PRKAR2A: variants seen among roughly 807,000 people sequenced by gnomAD.
PRKAR2A encodes protein kinase cAMP-dependent type II regulatory subunit alpha.
Under a neutral mutation model 51.9 loss-of-function variants are expected in PRKAR2A, and 29 were observed. That is an observed-to-expected ratio of 0.56 (90% CI 0.42 to 0.76). The LOEUF is 0.76. Among genes scored for constraint, PRKAR2A ranks in the 30% least tolerant of loss-of-function variants. The pLI, the probability that PRKAR2A is intolerant of heterozygous loss-of-function variation, is 0.00. For missense variants in PRKAR2A, 445 were observed against 512.1 expected, an observed-to-expected ratio of 0.87 and a Z score of 1.26; for synonymous variants, 178 against 186.2, an observed-to-expected ratio of 0.96 and a Z score of 0.36.
At chr3:48,815,817 G>C (rs888308992) in intron 1 of PRKAR2A, among the ~76,000 whole-genome samples, 1 of 151,612 alleles carries the variant, frequency 6.6e-6, no homozygotes, top group Non-Finnish European at 1.5e-5. Flanking sequence ...CCAGGAGTTT[G>C]AGACCAGCCT....
intron 1 of PRKAR2A, among the ~76,000 whole-genome samples, chr3:48,812,883 T>A (rs1321065388): frequency 6.6e-6 from 1 of 152,206 alleles, no homozygotes; most frequent in Non-Finnish European, 1.5e-5. Flanking sequence ...TCTGAGAACT[T>A]TGTAAACACA....
intron 2 of PRKAR2A, among the ~76,000 whole-genome samples, chr3:48,796,949 T>C (rs765774810): frequency 1.5e-4 from 23 of 152,058 alleles, no homozygotes; most frequent in Non-Finnish European, 3.1e-4. Flanking sequence ...CATTTTGTAG[T>C]GGACCTTTCT....
At chr3:48,836,483 AAAAAACTCAAAAT>A (rs2083289661) in intron 1 of PRKAR2A, among the ~76,000 whole-genome samples, 1 of 148,860 alleles carries the variant, frequency 6.7e-6, no homozygotes, top group African/African-American at 2.5e-5. Context: ...TATTAAAAAA[AAAAAACTCAAAAT>A]GTACCAAAGA....
chr3:48,828,734 G>C (rs1025815709), intron 1 of PRKAR2A, among the ~76,000 whole-genome samples: 1 of 131,650 alleles, frequency 7.6e-6, no homozygotes, highest in Non-Finnish European at 1.6e-5. Flanking sequence ...AAAAAAGAAA[G>C]AAAGAAAAAT....
At chr3:48,796,976 A>G (rs1184065609) in intron 2 of PRKAR2A, among the ~76,000 whole-genome samples, 1 of 151,746 alleles carries the variant, frequency 6.6e-6, no homozygotes, top group African/African-American at 2.4e-5. Context: ...CACTCCTCTT[A>G]TATCCTTAAC....
chr3:48,831,633 T>G (rs1309179336), intron 1 of PRKAR2A, among the ~76,000 whole-genome samples: 1 of 83,216 alleles, frequency 1.2e-5, no homozygotes, highest in African/African-American at 3.6e-5. Context: ...TTTCTTTTTT[T>G]TGAGACAGAG....
chr3:48,792,429 C>A (rs1279822609), intron 3 of PRKAR2A, among the ~76,000 whole-genome samples: 1 of 144,814 alleles, frequency 6.9e-6, no homozygotes, highest in Non-Finnish European at 1.5e-5. Flanking sequence ...TGTGAGCCAC[C>A]GTGACTGGCC....
At chr3:48,823,211 A>G (rs947360046) in intron 1 of PRKAR2A, among the ~76,000 whole-genome samples, 7 of 151,964 alleles carry the variant, frequency 4.6e-5, no homozygotes, top group Non-Finnish European at 8.8e-5. Flanking sequence ...TGGCCCTTCA[A>G]GTGACTTTAA....
intron 4 of PRKAR2A, among the ~76,000 whole-genome samples, chr3:48,783,951 A>G (rs1182133711): frequency 1.3e-5 from 2 of 151,984 alleles, no homozygotes; most frequent in Non-Finnish European, 2.9e-5. Flanking sequence ...TGACCAAAGG[A>G]AAAAAACCTA....
At chr3:48,838,163 G>T (rs1293925938) in intron 1 of PRKAR2A, among the ~76,000 whole-genome samples, 1 of 151,970 alleles carries the variant, frequency 6.6e-6, no homozygotes, top group Non-Finnish European at 1.5e-5. Flanking sequence ...GGGCGACAGA[G>T]CAAGACTCCG....
rs2082050837 is a variant in PRKAR2A at position 48,773,007 on chromosome 3, G to T, written c.644C>A (p.Thr215Asn). The change falls in exon 6 of 11, where the codon ACC (threonine) becomes AAC (asparagine). Residue 215 changes from threonine to asparagine, a missense_variant. Coordinates refer to ENST00000265563, the MANE Select transcript of PRKAR2A (RefSeq NM_004157.4). ...SFGELALMYN[T>N]PRAATIVATS... is the part of the protein sequence containing the mutation. ...AGCAACAATGGTAGCAGCTCTCGGG[G>T]TGTTGTACATCAGAGCTAGTTCTCC... 1 of 1,613,770 alleles carries T rather than the reference G, an allele frequency of 6.2e-7. No homozygotes were observed.
intron 1 of PRKAR2A, among the ~76,000 whole-genome samples, chr3:48,836,688 G>A (rs907406689): frequency 1.3e-5 from 2 of 151,064 alleles, no homozygotes; most frequent in African/African-American, 2.4e-5. Flanking sequence ...CACCAAAAAA[G>A]TGAAAAGGCT....
At chr3:48,801,844 C>A (rs2082595684) in intron 2 of PRKAR2A, among the ~76,000 whole-genome samples, 1 of 152,154 alleles carries the variant, frequency 6.6e-6, no homozygotes, top group African/African-American at 2.4e-5. Flanking sequence ...TCAAGCGATT[C>A]TCCTGCCTCA....
At chr3:48,777,619 A>G (rs890362010) in intron 5 of PRKAR2A, among the ~76,000 whole-genome samples, 9 of 152,054 alleles carry the variant, frequency 5.9e-5, no homozygotes, top group African/African-American at 2.2e-4. Context: ...GTTAGCCAGG[A>G]TGGTCTCGAT....
At chr3:48,843,711 A>G (rs1575966169) in intron 1 of PRKAR2A, among the ~76,000 whole-genome samples, 1 of 152,180 alleles carries the variant, frequency 6.6e-6, no homozygotes, top group Admixed American at 6.6e-5. Context: ...TCTTTGACAA[A>G]CCTGAGAAAA....
chr3:48,799,809 C>T (rs935854720), intron 2 of PRKAR2A, among the ~76,000 whole-genome samples: 4 of 152,030 alleles, frequency 2.6e-5, no homozygotes, highest in Admixed American at 6.6e-5. Context: ...TTTGATGTTT[C>T]GACATGTATT....
intron 1 of PRKAR2A, among the ~76,000 whole-genome samples, chr3:48,834,044 A>AG (rs2083239998): frequency 6.6e-6 from 1 of 151,810 alleles, no homozygotes; most frequent in Non-Finnish European, 1.5e-5. Flanking sequence ...TAAAAAAAAA[A>AG]AAAAAAGAAA....
At chr3:48,834,586 C>T (rs969398684) in intron 1 of PRKAR2A, among the ~76,000 whole-genome samples, 6 of 151,632 alleles carry the variant, frequency 4.0e-5, no homozygotes, top group Non-Finnish European at 7.4e-5. Flanking sequence ...ATTAGCCAGG[C>T]GTGGTGGTGC....
At chr3:48,800,797 C>T (rs986116298) in intron 2 of PRKAR2A, among the ~76,000 whole-genome samples, 3 of 151,940 alleles carry the variant, frequency 2.0e-5, no homozygotes, top group Non-Finnish European at 4.4e-5. Flanking sequence ...CCTCAGCCTC[C>T]CGAGTAGCTG....
Sources: allele counts gnomAD v4.1 joint callset (sites outside exome capture counted in the v4.1 genomes callset), GRCh38; gene constraint gnomAD v4.1.1; transcripts MANE v1.5; gene names NCBI Gene and HGNC (gene_info 2026-07-23, HGNC 2026-07-21).